Variants in CNTNAP2 observed in about 807,000 individuals in gnomAD.
The protein encoded by CNTNAP2 is contactin-associated protein-like 2.
CNTNAP2 carries 98 observed loss-of-function variants against 155.2 expected under a neutral mutation model. That is an observed-to-expected ratio of 0.63 (90% CI 0.54 to 0.75). CNTNAP2 has a LOEUF of 0.75. Among genes scored for constraint, CNTNAP2 ranks in the 30% least tolerant of loss-of-function variants. The pLI is 0.00. For missense variants in CNTNAP2, 1,727 were observed against 1,688.1 expected, an observed-to-expected ratio of 1.02 and a Z score of -0.40; for synonymous variants, 651 against 631.2, an observed-to-expected ratio of 1.03 and a Z score of -0.47.
intron 9 of CNTNAP2, among the ~76,000 whole-genome samples, chr7:147,389,305 C>G (rs1796671220): frequency 6.6e-6 from 1 of 152,146 alleles, no homozygotes; most frequent in African/African-American, 2.4e-5. Flanking sequence ...ATTCCACCAG[C>G]CTCCCTTGGA....
At chr7:147,635,013 T>C (rs2116916370) in intron 12 of CNTNAP2, among the ~76,000 whole-genome samples, 1 of 152,248 alleles carries the variant, frequency 6.6e-6, no homozygotes, top group African/African-American at 2.4e-5. Flanking sequence ...TGGAATATTT[T>C]CCCCAGGCAT....
At chr7:146,418,339 A>G (rs1304253542) in intron 1 of CNTNAP2, among the ~76,000 whole-genome samples, 1 of 152,182 alleles carries the variant, frequency 6.6e-6, no homozygotes, top group African/African-American at 2.4e-5. Context: ...AAATAACCCC[A>G]GTGAGGATCT....
At chr7:148,291,668 C>G (rs1339923015) in intron 21 of CNTNAP2, among the ~76,000 whole-genome samples, 1 of 152,152 alleles carries the variant, frequency 6.6e-6, no homozygotes, top group Non-Finnish European at 1.5e-5. Context: ...ACTTTGCATC[C>G]TTCAGTCCAA....
intron 13 of CNTNAP2, among the ~76,000 whole-genome samples, chr7:147,809,600 A>G (rs1798148772): frequency 6.6e-6 from 1 of 152,086 alleles, no homozygotes; most frequent in Non-Finnish European, 1.5e-5. Flanking sequence ...TTTGTCTTCC[A>G]CCTTCTCCTA....
At chr7:147,012,241 G>T (rs111421865) in intron 3 of CNTNAP2, among the ~76,000 whole-genome samples, 3,917 of 152,210 alleles carry the variant, frequency 0.026, 82 homozygotes, top group Middle Eastern at 0.041. Context: ...TTGTGCATTA[G>T]ATAGTAGTAA....
At chr7:146,878,085 G>A (rs9648840) in intron 3 of CNTNAP2, among the ~76,000 whole-genome samples, 109,221 of 151,998 alleles carry the variant, frequency 0.72, 40,145 homozygotes, top group African/African-American at 0.87. Context: ...TTATTCATGG[G>A]CCAACGTCCC....
chr7:146,666,224 A>G (rs10952652), intron 1 of CNTNAP2, among the ~76,000 whole-genome samples: 117,495 of 151,938 alleles, frequency 0.77, 45,992 homozygotes, highest in South Asian at 0.88. Flanking sequence ...TTTAGCATCC[A>G]TATTTGAGTG....
At chr7:147,967,168 C>T (rs568258839) in intron 14 of CNTNAP2, among the ~76,000 whole-genome samples, 197 of 152,192 alleles carry the variant, frequency 1.3e-3, no homozygotes, top group Non-Finnish European at 2.2e-3. Flanking sequence ...GTAAGGAACT[C>T]CTGTTTAGGG....
At chr7:148,276,235 C>T (rs1407589437) in intron 21 of CNTNAP2, among the ~76,000 whole-genome samples, 3 of 151,994 alleles carry the variant, frequency 2.0e-5, no homozygotes, top group African/African-American at 7.3e-5. Context: ...CTGCAGAATT[C>T]GATTTGAATA....
chr7:147,603,099 C>A (rs1340280043), intron 12 of CNTNAP2, among the ~76,000 whole-genome samples: 1 of 151,472 alleles, frequency 6.6e-6, no homozygotes, highest in Non-Finnish European at 1.5e-5. Context: ...TACAGTCCCA[C>A]CAACAGTGTA....
intron 1 of CNTNAP2, among the ~76,000 whole-genome samples, chr7:146,222,870 A>G (rs1799231169): frequency 1.3e-5 from 2 of 151,834 alleles, no homozygotes; most frequent in African/African-American, 4.8e-5. Flanking sequence ...CATGTTAGCC[A>G]GGATGGTCTC....
intron 8 of CNTNAP2, among the ~76,000 whole-genome samples, chr7:147,216,449 G>A (rs984234843): frequency 6.6e-6 from 1 of 151,828 alleles, no homozygotes; most frequent in Non-Finnish European, 1.5e-5. Context: ...TTGCTCCATC[G>A]TATAGCCTTT....
intron 2 of CNTNAP2, among the ~76,000 whole-genome samples, chr7:146,791,670 T>G (rs1802676148): frequency 1.3e-5 from 2 of 152,176 alleles, no homozygotes; most frequent in Non-Finnish European, 2.9e-5. Flanking sequence ...TTCCTTCCAC[T>G]GATATGACAT....
intron 15 of CNTNAP2, among the ~76,000 whole-genome samples, chr7:148,015,096 T>C (rs2116910428): frequency 6.6e-6 from 1 of 152,344 alleles, no homozygotes; most frequent in African/African-American, 2.4e-5. Flanking sequence ...GTAAACACTT[T>C]TATTTGTAAC....
intron 1 of CNTNAP2, among the ~76,000 whole-genome samples, chr7:146,588,860 G>T (rs1167564390): frequency 6.6e-6 from 1 of 152,014 alleles, no homozygotes; most frequent in East Asian, 1.9e-4. Context: ...TATAGAAATT[G>T]ATGTAAGATC....
At chr7:147,709,108 C>T (rs1164232578) in intron 13 of CNTNAP2, among the ~76,000 whole-genome samples, 1 of 152,118 alleles carries the variant, frequency 6.6e-6, no homozygotes, top group African/African-American at 2.4e-5. Context: ...TTAGATCCTT[C>T]AGGATCTGTC....
intron 9 of CNTNAP2, among the ~76,000 whole-genome samples, chr7:147,307,978 C>G (rs968029263): frequency 6.6e-6 from 1 of 152,080 alleles, no homozygotes; most frequent in Non-Finnish European, 1.5e-5. Flanking sequence ...GATAGTAAAC[C>G]AATAACATTG....
chr7:147,416,639 T>C (rs552268030), intron 10 of CNTNAP2, among the ~76,000 whole-genome samples: 5 of 152,334 alleles, frequency 3.3e-5, no homozygotes, highest in East Asian at 1.9e-4. Flanking sequence ...TCTAGTAATA[T>C]GTTGCTCATC....
chr7:146,171,783 A>T (rs1798395083), intron 1 of CNTNAP2, among the ~76,000 whole-genome samples: 1 of 152,150 alleles, frequency 6.6e-6, no homozygotes, highest in Admixed American at 6.5e-5. Flanking sequence ...AAATATTGAA[A>T]TGAACATCAT....
Sources: gnomAD v4.1 joint callset for allele counts (sites outside exome capture counted in the v4.1 genomes callset) on GRCh38, gnomAD v4.1.1 for gene constraint, MANE v1.5 for transcripts, NCBI Gene and HGNC (gene_info 2026-07-23, HGNC 2026-07-21) for gene names.